IL2RB: variants seen among roughly 807,000 people sequenced by gnomAD.
The protein encoded by IL2RB is interleukin-2 receptor subunit beta.
Under a neutral mutation model 44.2 loss-of-function variants are expected in IL2RB, and 17 were observed. The ratio of observed to expected loss-of-function variants is 0.38; its 90% CI spans 0.26 to 0.58. IL2RB has a LOEUF of 0.58. Ranked by LOEUF, IL2RB falls within the 20% of genes least tolerant of loss-of-function variation. The pLI is 0.63. For synonymous variants in IL2RB, 286 were observed against 297.9 expected, an observed-to-expected ratio of 0.96 and a Z score of 0.41; for missense variants, 624 against 685.5, an observed-to-expected ratio of 0.91 and a Z score of 1.00.
At chr22:37,167,842 A>G (rs1434306483) in intron 1 of IL2RB, among the ~76,000 whole-genome samples, 1 of 152,046 alleles carries the variant, frequency 6.6e-6, no homozygotes, top group Non-Finnish European at 1.5e-5. Flanking sequence ...TGTGTGACAA[A>G]TGCATTCAAA....
chr22:37,129,536 G>A (rs2146225309), intron 9 of IL2RB, among the ~76,000 whole-genome samples: 1 of 148,024 alleles, frequency 6.8e-6, no homozygotes, highest in South Asian at 2.2e-4. Context: ...ATTCCAGAGA[G>A]CCCTGGCAAG....
intron 1 of IL2RB, among the ~76,000 whole-genome samples, chr22:37,158,340 G>A (rs1922749969): frequency 6.6e-6 from 1 of 152,190 alleles, no homozygotes; most frequent in African/African-American, 2.4e-5. Flanking sequence ...ACGAGGTCAG[G>A]AGATCGAGAC....
At chr22:37,145,996 C>T (rs1316023148) in intron 1 of IL2RB, among the ~76,000 whole-genome samples, 2 of 152,166 alleles carry the variant, frequency 1.3e-5, no homozygotes, top group African/African-American at 2.4e-5. Flanking sequence ...GTCTGCAGGA[C>T]CCCCTCACAG....
chr22:37,167,399 G>A (rs1395852535), intron 1 of IL2RB, among the ~76,000 whole-genome samples: 7 of 152,058 alleles, frequency 4.6e-5, no homozygotes, highest in East Asian at 1.9e-4. Flanking sequence ...CTGCCCCAGC[G>A]ACTGCCCTTG....
At chr22:37,156,061 G>A (rs1026766540) in intron 1 of IL2RB, among the ~76,000 whole-genome samples, 16 of 152,110 alleles carry the variant, frequency 1.1e-4, no homozygotes, top group Admixed American at 2.6e-4. Flanking sequence ...CGCCCTACCC[G>A]TCCTCCCTCT....
Position 37,128,411 on chromosome 22 carries a change from G to A in IL2RB, c.1341C>T (p.Gly447=). ...GPSPPSTAPG[G]SGAGEERMPP... ...GCATCCTCTCTTCACCGGCCCCACT[G>A]CCCCCAGGGGCAGTGCTTGGGGGGC... Residue 447 remains glycine, a synonymous_variant, in exon 10 of 10, where the codon GGC becomes GGT. Coordinates refer to ENST00000216223, the MANE Select transcript of IL2RB (RefSeq NM_000878.5). This position sits in a 1 kb window ranked among gnomAD's most constrained non-coding sequence, Gnocchi z 4.5. 1 of 1,514,516 alleles carries A rather than the reference G, an allele frequency of 6.6e-7. No individual in the cohort carries two copies. Among genetic ancestry groups the A allele is most frequent in the Non-Finnish European group, 8.8e-7 (1 of 1,132,032 alleles). 93.8% of individuals were successfully genotyped at this position (1,514,516 alleles called of 1,614,324 possible). A position where few individuals can be genotyped will look rare whatever the true frequency, so the allele number is the denominator to read the frequency against.
rs750835046 is a variant in IL2RB at position 37,128,863 on chromosome 22, G to T, written c.904-15C>A. 1.9e-6 allele frequency: 3 copies of T among 1,582,768 alleles called. No homozygotes were observed. The highest frequency in any genetic ancestry group is 2.6e-6 in the Non-Finnish European group (3 of 1,160,496). The stretch of plus-strand genomic sequence containing the variant: ...GAGAGCCACTTCTGGTGGGAGAAAG[G>T]CCAGGGGTGGGTGAGTGGGGGCTTC... On this transcript the variant is annotated splice_polypyrimidine_tract_variant and intron_variant, in intron 9 of 9. Coordinates refer to ENST00000216223, the MANE Select transcript of IL2RB (RefSeq NM_000878.5). This position sits in a 1 kb window ranked among gnomAD's most constrained non-coding sequence, Gnocchi z 4.5.
chr22:37,135,261 T>C, intron 8 of IL2RB, 67 bp downstream of exon 8: 1 of 971,248 alleles, frequency 1.0e-6, no homozygotes, highest in Non-Finnish European at 1.7e-6. Flanking sequence ...TGTGTGTGCA[T>C]GTGTGTGCAT....
intron 1 of IL2RB, among the ~76,000 whole-genome samples, chr22:37,164,167 C>T (rs974011976): frequency 2.0e-5 from 3 of 152,188 alleles, no homozygotes; most frequent in Non-Finnish European, 4.4e-5. Flanking sequence ...AGGGTTCTCC[C>T]TCTGCGCTCC....
At chr22:37,166,343 C>T (rs1923078550) in intron 1 of IL2RB, among the ~76,000 whole-genome samples, 1 of 152,244 alleles carries the variant, frequency 6.6e-6, no homozygotes, top group African/African-American at 2.4e-5. Flanking sequence ...CCTTTGAAGG[C>T]ACTGCACCGC....
intron 1 of IL2RB, among the ~76,000 whole-genome samples, chr22:37,170,976 C>T (rs1412510647): frequency 6.6e-6 from 1 of 152,160 alleles, no homozygotes; most frequent in Non-Finnish European, 1.5e-5. Flanking sequence ...TTCTAGGACT[C>T]ACGCTCTTTT....
chr22:37,172,153 G>C (rs1391139372), intron 1 of IL2RB, among the ~76,000 whole-genome samples: 1 of 150,294 alleles, frequency 6.7e-6, no homozygotes, highest in Non-Finnish European at 1.5e-5. Context: ...GGGACCTTTG[G>C]CACCTCAGTT....
At chr22:37,169,716 C>T (rs1032016182) in intron 1 of IL2RB, among the ~76,000 whole-genome samples, 4 of 152,216 alleles carry the variant, frequency 2.6e-5, no homozygotes, top group Middle Eastern at 3.4e-3. Flanking sequence ...CTTCTTATCC[C>T]GCGGACTCAT....
intron 8 of IL2RB, among the ~76,000 whole-genome samples, chr22:37,133,516 A>G (rs1357896608): frequency 6.6e-6 from 1 of 152,178 alleles, no homozygotes; most frequent in African/African-American, 2.4e-5. Context: ...CTGCCTTCCC[A>G]GTGCTGGGGA....
chr22:37,135,258 G>A, intron 8 of IL2RB, 70 bp downstream of exon 8: 2 of 922,962 alleles, frequency 2.2e-6, no homozygotes, highest in Non-Finnish European at 3.6e-6. Flanking sequence ...GCGTGTGTGT[G>A]CATGTGTGTG....
intron 1 of IL2RB, 30 bp from the exon 2 acceptor site, chr22:37,144,235 C>G (rs553230663): frequency 2.0e-5 from 31 of 1,517,958 alleles, no homozygotes; most frequent in Non-Finnish European, 2.4e-5. Context: ...AGAGAGCACA[C>G]GTAAATACAC....
chr22:37,156,901 T>A (rs1433502745), intron 1 of IL2RB, among the ~76,000 whole-genome samples: 3 of 151,996 alleles, frequency 2.0e-5, no homozygotes, highest in Non-Finnish European at 4.4e-5. Flanking sequence ...CACCCTCAAG[T>A]CCTTGTGTTC....
At chr22:37,161,445 A>T (rs892917505) in intron 1 of IL2RB, among the ~76,000 whole-genome samples, 1 of 152,134 alleles carries the variant, frequency 6.6e-6, no homozygotes, top group South Asian at 2.1e-4. Flanking sequence ...GTAAGCTGAA[A>T]CTGCTTTTCC....
chr22:37,163,107 C>T (rs1436126976), intron 1 of IL2RB, among the ~76,000 whole-genome samples: 1 of 152,118 alleles, frequency 6.6e-6, no homozygotes, highest in East Asian at 1.9e-4. Flanking sequence ...AGCTACAGAC[C>T]GCAGGAACAG....
Sources: allele counts gnomAD v4.1 joint callset (sites outside exome capture counted in the v4.1 genomes callset), GRCh38; gene constraint gnomAD v4.1.1; non-coding constraint Gnocchi (gnomAD v3.1); transcripts MANE v1.5; gene names NCBI Gene and HGNC (gene_info 2026-07-23, HGNC 2026-07-21).